Variants in ELOVL2 observed in about 807,000 individuals in gnomAD.
The protein encoded by ELOVL2 is very long chain fatty acid elongase 2.
In ELOVL2, 38 loss-of-function variants were observed where a neutral mutation model predicts 37.7. That is an observed-to-expected ratio of 1.01 (90% confidence interval 0.78 to 1.32). ELOVL2 has a LOEUF of 1.32. Among genes scored for constraint, ELOVL2 ranks in the 40% most tolerant of loss-of-function variants. The pLI is 0.00. For synonymous variants in ELOVL2, 115 were observed against 122.3 expected, an observed-to-expected ratio of 0.94 and a Z score of 0.40; for missense variants, 352 against 363.6, an observed-to-expected ratio of 0.97 and a Z score of 0.26.
At chr6:11,006,176 C>G (rs765634880) in intron 2 of ELOVL2, among the ~76,000 whole-genome samples, 2 of 152,172 alleles carry the variant, frequency 1.3e-5, no homozygotes, top group African/African-American at 4.8e-5. Flanking sequence ...ATAGGATGAC[C>G]GTGCAGCAAG....
chr6:11,024,557 G>A (rs116258049), intron 1 of ELOVL2, among the ~76,000 whole-genome samples: 1 of 151,970 alleles, frequency 6.6e-6, no homozygotes, highest in African/African-American at 2.4e-5. Context: ...CATCTCCAAG[G>A]CCCCTTCTAG....
intron 1 of ELOVL2, 54 bp from the exon 2 acceptor site, chr6:11,010,863 C>T (rs929790029): frequency 2.4e-5 from 35 of 1,430,888 alleles, no homozygotes; most frequent in Middle Eastern, 2.1e-4. Context: ...TTTTTTGAAA[C>T]GGTCAAAACA....
chr6:11,040,129 A>G (rs1783076795), intron 1 of ELOVL2, among the ~76,000 whole-genome samples: 1 of 152,238 alleles, frequency 6.6e-6, no homozygotes, highest in Non-Finnish European at 1.5e-5. Flanking sequence ...AAAAAAGAGA[A>G]TAAGAATCAG....
intron 1 of ELOVL2, among the ~76,000 whole-genome samples, chr6:11,039,795 T>C (rs1279351377): frequency 6.6e-6 from 1 of 152,330 alleles, no homozygotes; most frequent in East Asian, 1.9e-4. Flanking sequence ...TCAGACTATC[T>C]GTGAAAGTAA....
intron 1 of ELOVL2, among the ~76,000 whole-genome samples, chr6:11,013,547 A>G (rs191483701): frequency 1.6e-4 from 24 of 152,356 alleles, no homozygotes; most frequent in African/African-American, 5.8e-4. Flanking sequence ...ATTTTTGAAC[A>G]GCATTCGTGT....
At chr6:10,988,262 C>T (rs922556343) in intron 7 of ELOVL2, among the ~76,000 whole-genome samples, 1 of 152,238 alleles carries the variant, frequency 6.6e-6, no homozygotes, top group Non-Finnish European at 1.5e-5. Context: ...CACTGTTCCA[C>T]ACTGTATAAA....
intron 1 of ELOVL2, among the ~76,000 whole-genome samples, chr6:11,027,529 A>G (rs1003159503): frequency 1.3e-5 from 2 of 152,204 alleles, no homozygotes; most frequent in Admixed American, 6.5e-5. Flanking sequence ...TGTTTTTAGA[A>G]AGTCCTACTT....
intron 1 of ELOVL2, among the ~76,000 whole-genome samples, chr6:11,034,940 T>C (rs1267698968): frequency 1.3e-5 from 2 of 151,998 alleles, no homozygotes; most frequent in African/African-American, 2.4e-5. Flanking sequence ...GAGATGGAGG[T>C]TGCAGTGAGC....
intron 5 of ELOVL2, among the ~76,000 whole-genome samples, chr6:10,994,305 A>G (rs935749897): frequency 6.6e-6 from 1 of 152,040 alleles, no homozygotes; most frequent in African/African-American, 2.4e-5. Flanking sequence ...TGTCTCTACT[A>G]AAAATACAAA....
intron 1 of ELOVL2, among the ~76,000 whole-genome samples, chr6:11,027,868 C>T (rs1247362702): frequency 6.6e-6 from 1 of 152,218 alleles, no homozygotes; most frequent in Admixed American, 6.5e-5. Flanking sequence ...AGGACATGAG[C>T]TCCAGACTCT....
At chr6:11,013,854 G>A (rs1176958538) in intron 1 of ELOVL2, among the ~76,000 whole-genome samples, 1 of 139,594 alleles carries the variant, frequency 7.2e-6, no homozygotes, top group Non-Finnish European at 1.5e-5. Context: ...CTTTGGCCAC[G>A]TCCCTCCACA....
In ELOVL2 at chr6:10,983,866, G is replaced by A. The variant is rs757069139; in HGVS notation, c.806C>T (p.Pro269Leu). Residue 269 changes from proline (P) to leucine (L), a missense_variant, in exon 8 of 8, where the codon CCA becomes CTA. Transcript: ENST00000354666. ...KKPMKKDMQE[P>L]PAGKEVKNGF... ...ATTCTTCACTTCTTTCCCTGCAGGT[G>A]GCTCTTGCATATCTTTCTTCATTGG... 1 of 1,613,800 alleles carries A rather than the reference G, an allele frequency of 6.2e-7. No homozygotes were observed. The highest frequency in any genetic ancestry group is 1.3e-5 in the African/African-American group (1 of 75,002).
intron 1 of ELOVL2, among the ~76,000 whole-genome samples, chr6:11,013,938 A>G (rs1261927979): frequency 6.6e-6 from 1 of 151,964 alleles, no homozygotes; most frequent in African/African-American, 2.4e-5. Context: ...GCCTCCCCAG[A>G]TGACATTTCA....
In ELOVL2 at chr6:10,995,095, CG is replaced by C. The variant is rs1561715166; in HGVS notation, c.416del (p.Thr139ArgfsTer23). ...DTIFFVLRKKTSQITFLHVYH... is the reference protein window; with the variant it reads ...DTIFFVLRKKXSQITFLHVYH... ...ATACATGAAGAAAAGTAATCTGACT[CG>C]TTTTTTTCCGCAAAACGAAGAAAAT... is the stretch of plus-strand genomic sequence containing the variant. On this transcript the variant is annotated frameshift_variant, in exon 5 of 8. Transcript: ENST00000354666. LOFTEE classifies it high-confidence loss of function. The C allele has an allele frequency of 1.2e-6, 2 of 1,612,944 alleles. No individual in the cohort carries two copies. The highest frequency in any genetic ancestry group is 3.3e-5 in the Admixed American group (2 of 59,980).
chr6:11,029,185 G>A lies in ELOVL2; in HGVS notation c.3+15043C>T, dbSNP rs557659241. Among the ~76,000 whole-genome samples the A allele has an allele frequency of 1.2e-4, 16 of 133,654 alleles. No individual in the cohort carries two copies. In the South Asian group the frequency reaches 3.4e-3, roughly 29 times the overall value. The allele number at this position is 133,654 out of a possible 152,430, so 87.7% of individuals were successfully genotyped here. ...GGAAGCTGTAGGGAGACAAGATCGC[G>A]CCACTGCACTTCAGCCCGGGGCGAC... On this transcript the variant is annotated intron_variant, in intron 1 of 7. Transcript: ENST00000354666.
At chr6:11,042,272 CA>C (rs1332577238) in intron 1 of ELOVL2, among the ~76,000 whole-genome samples, 1 of 151,990 alleles carries the variant, frequency 6.6e-6, no homozygotes, top group Non-Finnish European at 1.5e-5. Context: ...AAGATTGCAT[CA>C]CTGCATGCCA....
intron 1 of ELOVL2, among the ~76,000 whole-genome samples, chr6:11,039,566 T>C (rs12664138): frequency 0.18 from 27,147 of 152,174 alleles, 3,254 homozygotes; most frequent in East Asian, 0.44. Flanking sequence ...ACATTTATCT[T>C]TTCTTATGTT....
chr6:10,989,757 G>A lies in ELOVL2; in HGVS notation c.711C>T (p.Phe237=). ...PCGFPFGCLI[F]QSSYMLTLVI... ...CTAACGTTAGCATATAAGATGACTGGAAGATGAGACAACCGAAGGGGAAGC... is the reference window on the plus strand; with the variant it reads ...CTAACGTTAGCATATAAGATGACTGAAAGATGAGACAACCGAAGGGGAAGC... The change falls in exon 7 of 8, where the codon TTC becomes TTT. Residue 237 remains phenylalanine, a synonymous_variant. Transcript: ENST00000354666. The A allele has an allele frequency of 6.2e-7, 1 of 1,614,136 alleles. No individual in the cohort carries two copies. Among genetic ancestry groups the A allele is most frequent in the Non-Finnish European group, 8.5e-7 (1 of 1,179,992 alleles).
In ELOVL2 at chr6:11,010,742, T is replaced by C. The variant is rs770814843; in HGVS notation, c.67+4A>G. Reference sequence around the variant, plus strand: ...CACATTAAGTTCTCAAGTAATTCACTGACCTCGCGGTCCAAACATATTGTC... The same window carrying C: ...CACATTAAGTTCTCAAGTAATTCACCGACCTCGCGGTCCAAACATATTGTC... On this transcript the variant is annotated splice_donor_region_variant and intron_variant, in intron 2 of 7. Coordinates refer to ENST00000354666, the MANE Select transcript of ELOVL2 (RefSeq NM_017770.4). 6.2e-7 allele frequency: 1 copy of C among 1,611,390 alleles called. No homozygotes were observed. Among genetic ancestry groups the C allele is most frequent in the South Asian group, 1.1e-5 (1 of 90,742 alleles).
Sources: allele counts gnomAD v4.1 joint callset (sites outside exome capture counted in the v4.1 genomes callset), GRCh38; gene constraint gnomAD v4.1.1; transcripts MANE v1.5; gene names NCBI Gene and HGNC (gene_info 2026-07-23, HGNC 2026-07-21).